The following MILR1 variants were observed in gnomAD, a reference collection of about 807,000 sequenced individuals.
MILR1 encodes mast cell immunoglobulin like receptor 1.
Under a neutral mutation model 18.5 loss-of-function variants are expected in MILR1, and 31 were observed. The ratio of observed to expected loss-of-function variants is 1.68; its 90% CI spans 1.26 to 2.26. MILR1 has a LOEUF of 2.26. Among genes scored for constraint, MILR1 ranks in the 30% most tolerant of loss-of-function variants. The pLI is 0.00. For missense variants in MILR1, 257 were observed against 157.4 expected, an observed-to-expected ratio of 1.63 and a Z score of -3.38; for synonymous variants, 85 against 56.2, an observed-to-expected ratio of 1.51 and a Z score of -2.30.
the MILR1 span, among the ~76,000 whole-genome samples, chr17:64,477,473 C>T: frequency 1.3e-5 from 2 of 152,066 alleles, no homozygotes; most frequent in Non-Finnish European, 2.9e-5. Context: ...CCTAAGATCC[C>T]GAAGCAACAA....
At chr17:64,497,007 A>G in the MILR1 span, 1 of 1,562,162 alleles carries the variant, frequency 6.4e-7, no homozygotes, top group African/African-American at 1.3e-5. Context: ...CCCATCACTC[A>G]ACGGATCCCA....
the MILR1 span, among the ~76,000 whole-genome samples, chr17:64,477,503 A>G: frequency 3.9e-5 from 6 of 152,342 alleles, no homozygotes; most frequent in South Asian, 8.3e-4. Context: ...CCAGCGTACT[A>G]AACATGGCAG....
the MILR1 span, chr17:64,496,548 C>T: frequency 6.2e-7 from 1 of 1,613,924 alleles, no homozygotes; most frequent in Non-Finnish European, 8.5e-7. Context: ...GCACTGTCCC[C>T]GGGTAGCAAA....
At chr17:64,495,802 G>T in the MILR1 span, among the ~76,000 whole-genome samples, 3 of 151,864 alleles carry the variant, frequency 2.0e-5, no homozygotes, top group Non-Finnish European at 4.4e-5. Flanking sequence ...TCTGCCTCCT[G>T]GGTTCAAGCG....
At chr17:64,460,742 C>G (rs913681821) in intron 4 of MILR1, 80 bp from the exon 5 acceptor site, 18 of 460,240 alleles carry the variant, frequency 3.9e-5, no homozygotes, top group African/African-American at 3.6e-4. Flanking sequence ...GGAGACATCA[C>G]CTTTTCTAAA....
At chr17:64,476,299 T>C in the MILR1 span, among the ~76,000 whole-genome samples, 6 of 152,162 alleles carry the variant, frequency 3.9e-5, no homozygotes, top group African/African-American at 1.2e-4. Flanking sequence ...TGTAGTGTTA[T>C]TTTTTTAATG....
At chr17:64,473,506 A>T (rs1555665002), downstream of MILR1, among the ~76,000 whole-genome samples, 1 of 152,150 alleles carries the variant, frequency 6.6e-6, no homozygotes, top group Non-Finnish European at 1.5e-5. Context: ...GAAATGGACT[A>T]GTGCCTTACC....
downstream of MILR1, among the ~76,000 whole-genome samples, chr17:64,469,475 G>A (rs2037653642): frequency 6.6e-6 from 1 of 152,160 alleles, no homozygotes; most frequent in African/African-American, 2.4e-5. Flanking sequence ...TTGGCTCACT[G>A]CAACCTCCGC....
At chr17:64,460,175 G>A (rs1568067452) in intron 4 of MILR1, among the ~76,000 whole-genome samples, 11 of 151,858 alleles carry the variant, frequency 7.2e-5, no homozygotes, top group East Asian at 5.8e-4. Context: ...ACAGGCACGC[G>A]CCACCAGGCC....
the MILR1 span, chr17:64,491,665 A>G: frequency 0.065 from 85,786 of 1,328,418 alleles, 12,367 homozygotes; most frequent in African/African-American, 0.57. Flanking sequence ...TACTACAACA[A>G]GTACATCAAC....
At chr17:64,463,796 A>G (rs2037483765) in intron 5 of MILR1, among the ~76,000 whole-genome samples, 4 of 145,174 alleles carry the variant, frequency 2.8e-5, no homozygotes, top group African/African-American at 7.7e-5. Flanking sequence ...GAATACAGGT[A>G]TGCACCACAA....
At chr17:64,463,054 C>T (rs1568069113) in intron 5 of MILR1, among the ~76,000 whole-genome samples, 2 of 152,160 alleles carry the variant, frequency 1.3e-5, no homozygotes, top group Admixed American at 6.6e-5. Context: ...TTATTAAACA[C>T]ACCAGACTCA....
chr17:64,454,371 C>T, intron 3 of MILR1, among the ~76,000 whole-genome samples: 1 of 152,302 alleles, frequency 6.6e-6, no homozygotes, highest in Middle Eastern at 3.4e-3. Flanking sequence ...GGATTACAAG[C>T]ACGTGCCATA....
chr17:64,450,809 G>A (rs2143995504), intron 2 of MILR1, among the ~76,000 whole-genome samples: 1 of 152,130 alleles, frequency 6.6e-6, no homozygotes, highest in East Asian at 1.9e-4. Context: ...CAGCTGCATG[G>A]TATTTTAAGA....
chr17:64,474,192 A>C, the MILR1 span, among the ~76,000 whole-genome samples: 3 of 152,076 alleles, frequency 2.0e-5, no homozygotes, highest in African/African-American at 7.2e-5. Flanking sequence ...CTCCTGCTTC[A>C]AACTCCCAAG....
rs1046075494 is a variant in MILR1, at chr17:64,468,585, G to A, written c.*304G>A. On this transcript the variant is annotated 3_prime_UTR_variant, in exon 10 of 10. Coordinates refer to ENST00000619286, the MANE Select transcript of MILR1 (RefSeq NM_001085423.2). ...ACTACAAGCCTGAGCCACCGTGCCCGGCCCTGAATCGCTTTAGTAAATAAA... is the reference window on the plus strand; with the variant it reads ...ACTACAAGCCTGAGCCACCGTGCCCAGCCCTGAATCGCTTTAGTAAATAAA... 29 of 1,147,232 alleles carry A rather than the reference G, an allele frequency of 2.5e-5. No individual in the cohort carries two copies. In the African/African-American group the frequency reaches 3.8e-4, roughly 15 times the overall value. The allele number at this position is 1,147,232 out of a possible 1,614,324, so 71.1% of individuals were successfully genotyped here.
the MILR1 span, among the ~76,000 whole-genome samples, chr17:64,478,958 G>T: frequency 6.6e-6 from 1 of 152,066 alleles, no homozygotes; most frequent in African/African-American, 2.4e-5. Context: ...ATAAAACATA[G>T]TACGTGTTTA....
the MILR1 span, chr17:64,496,527 C>G: frequency 1.2e-5 from 20 of 1,613,848 alleles, no homozygotes; most frequent in Non-Finnish European, 1.4e-5. Context: ...TCTGCAGAAA[C>G]TAACCTGAAG....
chr17:64,454,106 T>A (rs1389117044), intron 3 of MILR1, among the ~76,000 whole-genome samples: 1 of 151,512 alleles, frequency 6.6e-6, no homozygotes, highest in African/African-American at 2.4e-5. Context: ...ATTTTTGTAT[T>A]TTTAATAGAG....
Sources: gnomAD v4.1 joint callset for allele counts (sites outside exome capture counted in the v4.1 genomes callset) on GRCh38, gnomAD v4.1.1 for gene constraint, MANE v1.5 for transcripts, NCBI Gene and HGNC (gene_info 2026-07-23, HGNC 2026-07-21) for gene names.